Variants in RAB5B observed in about 807,000 individuals in gnomAD.
RAB5B encodes ras-related protein Rab-5B.
In RAB5B, 11 loss-of-function variants were observed where a neutral mutation model predicts 28.6. That is an observed-to-expected ratio of 0.38 (90% CI 0.24 to 0.64). The LOEUF (loss-of-function observed/expected upper bound fraction) is 0.64, where lower values mean the gene tolerates loss of function less well. Ranked by LOEUF, RAB5B falls within the 30% of genes least tolerant of loss-of-function variation. The pLI, the probability that RAB5B is intolerant of heterozygous loss-of-function variation, is 0.53. For missense variants in RAB5B, 169 were observed against 265.6 expected (o/e 0.64, Z 2.53); for synonymous variants, 93 against 97.9 (o/e 0.95, Z 0.29).
chr12:55,982,517 C>T (rs1431411459), intron 1 of RAB5B, among the ~76,000 whole-genome samples: 1 of 151,906 alleles, frequency 6.6e-6, no homozygotes, highest in East Asian at 1.9e-4. Context: ...TGGTCTCAAA[C>T]TCCTGGGCTC....
chr12:55,992,479 CT>C lies in RAB5B; in HGVS notation c.*270del, dbSNP rs1338051240. 3.2e-6 allele frequency: 2 copies of C among 627,856 alleles called. No homozygotes were observed. The highest frequency in any genetic ancestry group is 4.2e-5 in the Admixed American group (2 of 47,262). 38.9% of individuals were successfully genotyped at this position (627,856 alleles called of 1,614,324 possible). On this transcript the variant is annotated 3_prime_UTR_variant, in exon 6 of 6. Transcript: ENST00000360299. ...TACCTTCCAAAACAAACTTTCTTCA[CT>C]TTGTATTATAGGTACAAGACAGCGA...
Position 55,992,619 on chromosome 12 carries a change from TTTCTC to T in RAB5B, c.*408_*412del. ...GGTCAGTCCCTGTTCTTGAGCCTCT[TTTCTC>T]CTCTCCCCAGGATGCAGAAAGTGGT... On this transcript the variant is annotated 3_prime_UTR_variant, in exon 6 of 6. Coordinates refer to ENST00000360299, the MANE Select transcript of RAB5B (RefSeq NM_002868.4). 2.3e-6 allele frequency: 1 copy of T among 437,478 alleles called. No individual in the cohort carries two copies. Among genetic ancestry groups the T allele is most frequent in the Non-Finnish European group, 4.5e-6 (1 of 223,874 alleles). 27.1% of individuals were successfully genotyped at this position (437,478 alleles called of 1,614,324 possible).
At chr12:55,989,350 C>T (rs1444643349) in intron 2 of RAB5B, among the ~76,000 whole-genome samples, 1 of 152,188 alleles carries the variant, frequency 6.6e-6, no homozygotes, top group Non-Finnish European at 1.5e-5. Flanking sequence ...TCTTGGCTCA[C>T]TGCAACCTCC....
chr12:55,977,078 G>A (rs1252761705), intron 1 of RAB5B, among the ~76,000 whole-genome samples: 2 of 152,042 alleles, frequency 1.3e-5, no homozygotes, highest in East Asian at 1.9e-4. Flanking sequence ...AGGTTCACGC[G>A]ATTCTCCTGC....
At chr12:55,991,621 C>T (rs1240518035) in intron 5 of RAB5B, 168 bp downstream of exon 5, 10 of 576,750 alleles carry the variant, frequency 1.7e-5, no homozygotes, top group Middle Eastern at 3.5e-4. Flanking sequence ...GCTTTAGCTC[C>T]CTTGTCTTCA....
At position 55,991,353 on chromosome 12, in the gene RAB5B, C is replaced by G. The variant is rs550681386; in HGVS notation, c.439-7C>G. ...TTCTGAGCACTAATACATCCCACTC[C>G]TTGCAGGAGGCCCAGGCATATGCAG... On this transcript the variant is annotated splice_region_variant and splice_polypyrimidine_tract_variant and intron_variant, in intron 4 of 5. Coordinates refer to ENST00000360299, the MANE Select transcript of RAB5B (RefSeq NM_002868.4). The G allele has an allele frequency of 3.1e-6, 5 of 1,610,626 alleles. No individual in the cohort carries two copies. The Admixed American group carries it at 6.7e-5, about 21-fold the overall frequency.
At chr12:55,977,678 A>G (rs772798443) in intron 1 of RAB5B, among the ~76,000 whole-genome samples, 1 of 152,234 alleles carries the variant, frequency 6.6e-6, no homozygotes, top group Admixed American at 6.5e-5. Context: ...AAGGAAATGC[A>G]GCAGCCCTCT....
At chr12:55,989,064 C>G (rs1890035900) in intron 2 of RAB5B, among the ~76,000 whole-genome samples, 1 of 150,842 alleles carries the variant, frequency 6.6e-6, no homozygotes, top group Non-Finnish European at 1.5e-5. Context: ...GCCTCAGCCT[C>G]CCAAGTAGCT....
chr12:55,984,693 A>G (rs1889906412), intron 1 of RAB5B, among the ~76,000 whole-genome samples: 1 of 151,972 alleles, frequency 6.6e-6, no homozygotes, highest in African/African-American at 2.4e-5. Flanking sequence ...TTGGCCAGGC[A>G]GGGCTCGAAC....
intron 1 of RAB5B, chr12:55,981,003 A>G (rs1400420993): frequency 9.9e-6 from 16 of 1,614,022 alleles, no homozygotes; most frequent in Non-Finnish European, 1.4e-5. Flanking sequence ...ATCAGCAGCA[A>G]CTTGAAGAGG....
In RAB5B at chr12:55,996,003, A is replaced by ATATATATATATTTTTTTTTTT; in HGVS notation, c.*3792_*3793insATATATATATTTTTTTTTTTT. On this transcript the variant is annotated 3_prime_UTR_variant, in exon 6 of 6. Coordinates refer to ENST00000360299, the MANE Select transcript of RAB5B (RefSeq NM_002868.4). ...TATATACATATATATATATATATAT[A>ATATATATATATTTTTTTTTTT]TTTTTTTTTTAACAACTGGTAGGAT... 3.6e-4 allele frequency: 35 copies of ATATATATATATTTTTTTTTTT among 97,378 alleles called. No individual in the cohort carries two copies. The highest frequency in any genetic ancestry group is 1.6e-3 in the African/African-American group (33 of 21,120). The allele number at this position is 97,378 out of a possible 1,614,324, so 6.0% of individuals were successfully genotyped here.
At chr12:55,976,777 G>A (rs548797951) in intron 1 of RAB5B, among the ~76,000 whole-genome samples, 4 of 152,028 alleles carry the variant, frequency 2.6e-5, no homozygotes, top group Admixed American at 1.3e-4. Context: ...ATTTGAAATC[G>A]GTTTTCCTCT....
At chr12:55,977,664 T>A (rs905572017) in intron 1 of RAB5B, among the ~76,000 whole-genome samples, 2 of 152,176 alleles carry the variant, frequency 1.3e-5, no homozygotes, top group Non-Finnish European at 2.9e-5. Context: ...AATGAACTTA[T>A]AATAAGGAAA....
intron 1 of RAB5B, among the ~76,000 whole-genome samples, chr12:55,975,307 C>T (rs1205387087): frequency 6.6e-6 from 1 of 152,120 alleles, no homozygotes; most frequent in Non-Finnish European, 1.5e-5. Context: ...GCGGTGATAT[C>T]ACTGAGGAAG....
intron 1 of RAB5B, among the ~76,000 whole-genome samples, chr12:55,975,486 C>T (rs1187707632): frequency 5.9e-5 from 9 of 151,980 alleles, no homozygotes; most frequent in East Asian, 1.9e-4. Flanking sequence ...CAGTAGCCCA[C>T]GCCTGTAATC....
At position 55,992,312 on chromosome 12, in the gene RAB5B, C is replaced by G. The variant is rs1308227345; in HGVS notation, c.*100C>G. The G allele has an allele frequency of 6.6e-6, 7 of 1,056,800 alleles. No individual in the cohort carries two copies. The Admixed American group carries it at 1.5e-4, about 23-fold the overall frequency. The allele number at this position is 1,056,800 out of a possible 1,614,324, so 65.5% of individuals were successfully genotyped here. A position where few individuals can be genotyped will look rare whatever the true frequency, so the allele number is the denominator to read the frequency against. ...ACACAACCCCTACGGTAACAGCACA[C>G]TGAGCCCTGGCTCCCAAGGGCTGCC... On this transcript the variant is annotated 3_prime_UTR_variant, in exon 6 of 6. Coordinates refer to ENST00000360299, the MANE Select transcript of RAB5B (RefSeq NM_002868.4).
rs538909640 is a variant in RAB5B at position 55,987,928 on chromosome 12, C to G, written c.163+805C>G. Among the ~76,000 whole-genome samples the G allele has an allele frequency of 1.5e-3, 225 of 151,966 alleles. 2 individuals carry two copies. Among genetic ancestry groups the G allele is most frequent in the African/African-American group, 5.1e-3 (212 of 41,448 alleles). ...TTGGGAGGCCAAGGCAGGCGGATCACTTGAGGCCAGGAGTTCAAGACCAGC... is the reference window on the plus strand; with the variant it reads ...TTGGGAGGCCAAGGCAGGCGGATCAGTTGAGGCCAGGAGTTCAAGACCAGC... On this transcript the variant is annotated intron_variant, in intron 2 of 5. Coordinates refer to ENST00000360299, the MANE Select transcript of RAB5B (RefSeq NM_002868.4).
Position 55,994,051 on chromosome 12 carries a change from G to C in RAB5B, c.*1839G>C, listed in dbSNP as rs1296284811. 2.0e-5 allele frequency: 3 copies of C among 152,636 alleles called. No individual in the cohort carries two copies. Among genetic ancestry groups the C allele is most frequent in the African/African-American group, 7.2e-5 (3 of 41,444 alleles). The allele number at this position is 152,636 out of a possible 1,614,324, so 9.5% of individuals were successfully genotyped here. ...TTCCTGCCCTTTTGGCTTGCAGACTGCCTTCTATCCCAGAACAGCTGAGAA... is the reference window on the plus strand; with the variant it reads ...TTCCTGCCCTTTTGGCTTGCAGACTCCCTTCTATCCCAGAACAGCTGAGAA... On this transcript the variant is annotated 3_prime_UTR_variant, in exon 6 of 6. Coordinates refer to ENST00000360299, the MANE Select transcript of RAB5B (RefSeq NM_002868.4).
chr12:55,990,987 T>A (rs1288806136), intron 4 of RAB5B, 183 bp downstream of exon 4: 1 of 793,624 alleles, frequency 1.3e-6, no homozygotes, highest in Non-Finnish European at 1.9e-6. Flanking sequence ...TTCAAAGGAG[T>A]CAGGAGAAAA....
Sources: allele counts gnomAD v4.1 joint callset (sites outside exome capture counted in the v4.1 genomes callset), GRCh38; gene constraint gnomAD v4.1.1; transcripts MANE v1.5; gene names NCBI Gene and HGNC (gene_info 2026-07-23, HGNC 2026-07-21).